The following HECW1 variants were observed in gnomAD, a reference collection of about 807,000 sequenced individuals.
HECW1 encodes the protein HECT, C2 and WW domain containing E3 ubiquitin protein ligase 1, also known as E3 ubiquitin-protein ligase HECW1.
HECW1 carries 61 observed loss-of-function variants against 182.3 expected under a neutral mutation model. The ratio of observed to expected loss-of-function variants is 0.33; its 90% CI spans 0.27 to 0.41. The LOEUF (loss-of-function observed/expected upper bound fraction) is 0.41. Among genes scored for constraint, HECW1 ranks in the 10% least tolerant of loss-of-function variants. HECW1 has a pLI of 1.00. For missense variants in HECW1, 1,739 were observed against 2,108.9 expected (o/e 0.82, Z 3.44); for synonymous variants, 859 against 832.6 (o/e 1.03, Z -0.55).
At chr7:43,320,208 G>A (rs1237814283) in intron 4 of HECW1, among the ~76,000 whole-genome samples, 3 of 152,206 alleles carry the variant, frequency 2.0e-5, no homozygotes, top group Non-Finnish European at 2.9e-5. Flanking sequence ...AGTGGAGTCC[G>A]TGAGAACTAG....
chr7:43,444,541 G>A lies in HECW1; in HGVS notation c.1369G>A (p.Glu457Lys), dbSNP rs1353229564. The A allele has an allele frequency of 6.2e-7, 1 of 1,611,066 alleles. No individual in the cohort carries two copies. The highest frequency in any genetic ancestry group is 1.1e-5 in the South Asian group (1 of 90,542). ...KDIQPAPSAEELAEQLDLGEE... is the reference protein window; with the variant it reads ...KDIQPAPSAEKLAEQLDLGEE... Reference sequence around the variant, plus strand: ...CATCCAGCCTGCCCCCAGTGCAGAAGAGCTGGCCGAGCAGCTGGACCTGGG... The same window carrying A: ...CATCCAGCCTGCCCCCAGTGCAGAAAAGCTGGCCGAGCAGCTGGACCTGGG... Residue 457 changes from glutamate (E) to lysine (K), a missense_variant, in exon 11 of 30, where the codon GAG (glutamate) becomes AAG (lysine). Transcript: ENST00000395891. The surrounding 1 kb of genome is among the most constrained non-coding windows in gnomAD (Gnocchi z 4.3).
At chr7:43,336,171 TC>T (rs1397179405) in intron 5 of HECW1, among the ~76,000 whole-genome samples, 5 of 127,746 alleles carry the variant, frequency 3.9e-5, no homozygotes, top group East Asian at 2.3e-4. Context: ...TCTCTCTCTC[TC>T]TCTCTCTCTC....
At chr7:43,424,966 T>G (rs919885970) in intron 8 of HECW1, among the ~76,000 whole-genome samples, 1 of 152,068 alleles carries the variant, frequency 6.6e-6, no homozygotes, top group Non-Finnish European at 1.5e-5. Context: ...ACATTATATA[T>G]TAGGGAGGGA....
chr7:43,283,952 G>A (rs1319429629), intron 3 of HECW1, among the ~76,000 whole-genome samples: 2 of 152,216 alleles, frequency 1.3e-5, no homozygotes, highest in African/African-American at 2.4e-5. Flanking sequence ...GAGTGGAACA[G>A]CCACACCTCT....
At chr7:43,475,759 C>T (rs920370276) in intron 16 of HECW1, among the ~76,000 whole-genome samples, 2 of 152,084 alleles carry the variant, frequency 1.3e-5, no homozygotes, top group South Asian at 2.1e-4. Context: ...GACAGGTTTT[C>T]GCCATGTTGC....
chr7:43,381,309 T>C (rs1229794783), intron 6 of HECW1, among the ~76,000 whole-genome samples: 1 of 152,080 alleles, frequency 6.6e-6, no homozygotes, highest in African/African-American at 2.4e-5. Flanking sequence ...GAATTAAAGT[T>C]CTTACTTTTA....
At chr7:43,292,688 C>T (rs1805537853) in intron 3 of HECW1, among the ~76,000 whole-genome samples, 1 of 152,040 alleles carries the variant, frequency 6.6e-6, no homozygotes, top group Non-Finnish European at 1.5e-5. Flanking sequence ...CTCTTCCATT[C>T]AGCACATGTC....
Position 43,114,280 on chromosome 7 carries a change from GA to G in HECW1, c.-139del, listed in dbSNP as rs922456498. On this transcript the variant is annotated 5_prime_UTR_variant, in exon 2 of 30. It introduces an in-frame stop codon into an upstream open reading frame of the 5' UTR. Coordinates refer to ENST00000395891, the MANE Select transcript of HECW1 (RefSeq NM_015052.5). ...ATTTAGGAGGGCAGATGCCCTACCCGAAAAGGCCAACCGTTAAAGACCCCGG... is the reference window on the plus strand; with the variant it reads ...ATTTAGGAGGGCAGATGCCCTACCCGAAAGGCCAACCGTTAAAGACCCCGG... 3.7e-6 allele frequency: 5 copies of G among 1,363,862 alleles called. No homozygotes were observed. The African/African-American group carries it at 5.8e-5, about 16-fold the overall frequency. 84.5% of individuals were successfully genotyped at this position (1,363,862 alleles called of 1,614,324 possible). A position where few individuals can be genotyped will look rare whatever the true frequency, so the allele number is the denominator to read the frequency against.
intron 8 of HECW1, among the ~76,000 whole-genome samples, chr7:43,421,560 A>G (rs1414125227): frequency 6.6e-6 from 1 of 152,246 alleles, no homozygotes; most frequent in Admixed American, 6.5e-5. Context: ...GACTATAAAT[A>G]CTACCTCCTA....
intron 2 of HECW1, among the ~76,000 whole-genome samples, chr7:43,164,491 G>T (rs1342935616): frequency 6.6e-6 from 1 of 152,258 alleles, no homozygotes; most frequent in East Asian, 1.9e-4. Context: ...GAGTGGAGGG[G>T]GCTGCTCGGC....
chr7:43,209,435 T>C (rs1268322102), intron 2 of HECW1, among the ~76,000 whole-genome samples: 1 of 152,160 alleles, frequency 6.6e-6, no homozygotes, highest in Non-Finnish European at 1.5e-5. Flanking sequence ...TCTCTGCCTT[T>C]TTCAGGCCAA....
Position 43,554,685 on chromosome 7 carries a change from C to T in HECW1, c.4604C>T (p.Thr1535Met), listed in dbSNP as rs202007423. Residue 1535 changes from threonine (T) to methionine (M), a missense_variant, in exon 29 of 30, where the codon ACG becomes ATG. By Grantham distance (81) the Thr-to-Met change is moderately conservative. Coordinates refer to ENST00000395891, the MANE Select transcript of HECW1 (RefSeq NM_015052.5). ...EQRLRLLQFV[T>M]GTSSVPYEGF... is the part of the protein sequence containing the mutation. ...AGGCTGAGATTACTGCAGTTTGTCA[C>T]GGGAACATCCAGCGTGCCCTACGAA... is the stretch of plus-strand genomic sequence containing the variant. 4.2e-4 allele frequency: 674 copies of T among 1,613,940 alleles called. 5 individuals are homozygous for T. The highest frequency in any genetic ancestry group is 1.6e-4 in the Middle Eastern group (1 of 6,084).
chr7:43,433,529 A>T (rs903035854), intron 8 of HECW1, among the ~76,000 whole-genome samples: 6 of 152,228 alleles, frequency 3.9e-5, no homozygotes, highest in African/African-American at 1.4e-4. Flanking sequence ...CTGCGCTTAA[A>T]CAAAAGAAAG....
At chr7:43,515,831 T>C (rs1328126764) in intron 24 of HECW1, among the ~76,000 whole-genome samples, 4 of 152,192 alleles carry the variant, frequency 2.6e-5, no homozygotes, top group African/African-American at 7.2e-5. Context: ...AAATTATATA[T>C]AAGAAACTAC....
At chr7:43,500,861 C>T in intron 20 of HECW1, 79 bp downstream of exon 20, 1 of 1,209,548 alleles carries the variant, frequency 8.3e-7, no homozygotes, top group South Asian at 1.2e-5. Flanking sequence ...CTGAAAATGG[C>T]CTAGACTGAA....
intron 28 of HECW1, among the ~76,000 whole-genome samples, chr7:43,554,126 A>C (rs1337053494): frequency 4.6e-5 from 7 of 152,246 alleles, no homozygotes; most frequent in African/African-American, 1.4e-4. Context: ...CCTGTTCACG[A>C]AACTGGCTGT....
intron 26 of HECW1, among the ~76,000 whole-genome samples, chr7:43,544,907 G>A (rs2081497371): frequency 1.3e-5 from 2 of 152,188 alleles, no homozygotes; most frequent in South Asian, 4.1e-4. Context: ...CTAAGATATA[G>A]TTTTAAGAGA....
chr7:43,525,660 A>G (rs2152942403), intron 24 of HECW1, among the ~76,000 whole-genome samples: 1 of 152,378 alleles, frequency 6.6e-6, no homozygotes, highest in South Asian at 2.1e-4. Flanking sequence ...GAACCAAGGT[A>G]GCTCAGTGAT....
At chr7:43,420,006 G>T (rs903606273) in intron 8 of HECW1, among the ~76,000 whole-genome samples, 1 of 152,198 alleles carries the variant, frequency 6.6e-6, no homozygotes, top group African/African-American at 2.4e-5. Context: ...AAAGCAAGGA[G>T]GAAGTAACTT....
Sources: gnomAD v4.1 joint callset for allele counts (sites outside exome capture counted in the v4.1 genomes callset) on GRCh38, gnomAD v4.1.1 for gene constraint, Gnocchi (gnomAD v3.1) non-coding constraint, MANE v1.5 for transcripts, NCBI Gene and HGNC (gene_info 2026-07-23, HGNC 2026-07-21) for gene names.